GALNT13: variants seen among roughly 807,000 people sequenced by gnomAD.
GALNT13 encodes the protein polypeptide N-acetylgalactosaminyltransferase 13.
Under a neutral mutation model 64.2 loss-of-function variants are expected in GALNT13, and 28 were observed. That is an observed-to-expected ratio of 0.44 (90% CI 0.32 to 0.60). The LOEUF is 0.60. GALNT13 is among the 20% of genes least tolerant of loss of function. The pLI, the probability that GALNT13 is intolerant of heterozygous loss-of-function variation, is 0.05. For missense variants in GALNT13, 577 were observed against 669.8 expected, an observed-to-expected ratio of 0.86 and a Z score of 1.53; for synonymous variants, 214 against 224.6, an observed-to-expected ratio of 0.95 and a Z score of 0.42.
intron 3 of GALNT13, among the ~76,000 whole-genome samples, chr2:153,952,811 T>A (rs74559254): frequency 1.3e-5 from 2 of 152,084 alleles, no homozygotes; most frequent in African/African-American, 4.8e-5. Flanking sequence ...CTTCAATCTG[T>A]GGTTGAAGTT....
At chr2:153,869,319 T>C (rs1248684966), upstream of GALNT13, among the ~76,000 whole-genome samples, 1 of 152,154 alleles carries the variant, frequency 6.6e-6, no homozygotes, top group African/African-American at 2.4e-5. Flanking sequence ...AGTAATGCTC[T>C]TTATATTAAT....
At chr2:153,704,506 C>A in the GALNT13 span, among the ~76,000 whole-genome samples, 2 of 152,082 alleles carry the variant, frequency 1.3e-5, no homozygotes, top group Non-Finnish European at 2.9e-5. Flanking sequence ...TCTCTCAATG[C>A]ACAAATGCAC....
the GALNT13 span, among the ~76,000 whole-genome samples, chr2:153,662,461 T>A: frequency 2.0e-5 from 3 of 152,220 alleles, no homozygotes; most frequent in African/African-American, 7.2e-5. Context: ...GATGGCAGAT[T>A]CATTTCTGTA....
At chr2:153,744,034 A>C in the GALNT13 span, among the ~76,000 whole-genome samples, 1 of 152,088 alleles carries the variant, frequency 6.6e-6, no homozygotes, top group African/African-American at 2.4e-5. Flanking sequence ...AGAGTACTCC[A>C]ATCCATTATG....
the GALNT13 span, among the ~76,000 whole-genome samples, chr2:153,222,022 C>T: frequency 4.6e-5 from 7 of 152,034 alleles, no homozygotes; most frequent in African/African-American, 1.7e-4. Context: ...GATGGGGAGG[C>T]GTGTTTCAGC....
the GALNT13 span, among the ~76,000 whole-genome samples, chr2:153,261,857 C>A: frequency 6.6e-6 from 1 of 152,076 alleles, no homozygotes; most frequent in Non-Finnish European, 1.5e-5. Context: ...AGGTTCACAG[C>A]AACTATTGCC....
At chr2:153,317,154 C>A in the GALNT13 span, among the ~76,000 whole-genome samples, 1 of 152,126 alleles carries the variant, frequency 6.6e-6, no homozygotes, top group Non-Finnish European at 1.5e-5. Context: ...AGCAAGTAGA[C>A]AAATACCTTA....
At chr2:153,609,741 GT>G in the GALNT13 span, among the ~76,000 whole-genome samples, 1 of 152,106 alleles carries the variant, frequency 6.6e-6, no homozygotes, top group Admixed American at 6.6e-5. Context: ...AAATAAAATT[GT>G]TTTAACTCTT....
the GALNT13 span, among the ~76,000 whole-genome samples, chr2:153,492,954 C>T: frequency 1.5e-4 from 22 of 151,424 alleles, no homozygotes; most frequent in Non-Finnish European, 2.2e-4. Context: ...ATGGGTCAAA[C>T]GGAAAAAAAG....
chr2:153,671,249 T>C, the GALNT13 span, among the ~76,000 whole-genome samples: 1 of 152,090 alleles, frequency 6.6e-6, no homozygotes, highest in Non-Finnish European at 1.5e-5. Flanking sequence ...CACATGATCG[T>C]TAGCTTCACC....
chr2:154,436,577 C>T (rs1416410821), intron 11 of GALNT13: 1 of 152,128 alleles, frequency 6.6e-6, no homozygotes, highest in Non-Finnish European at 1.5e-5. Flanking sequence ...AGAAATTTCT[C>T]TAGAAATTTT....
chr2:153,954,429 A>G (rs1392601681), intron 3 of GALNT13, among the ~76,000 whole-genome samples: 1 of 151,982 alleles, frequency 6.6e-6, no homozygotes, highest in Non-Finnish European at 1.5e-5. Context: ...CAGTTTCCCA[A>G]AATTAATAGG....
the GALNT13 span, among the ~76,000 whole-genome samples, chr2:153,539,540 T>C: frequency 3.6e-3 from 544 of 152,064 alleles, 6 homozygotes; most frequent in African/African-American, 0.013. Flanking sequence ...AACGTTTAAG[T>C]CTTTAATCCA....
At chr2:153,430,394 T>C in the GALNT13 span, among the ~76,000 whole-genome samples, 1 of 152,140 alleles carries the variant, frequency 6.6e-6, no homozygotes, top group Non-Finnish European at 1.5e-5. Context: ...ACATTTAATT[T>C]TGTAACAAGT....
At chr2:153,154,261 G>A in the GALNT13 span, among the ~76,000 whole-genome samples, 2 of 152,072 alleles carry the variant, frequency 1.3e-5, no homozygotes, top group East Asian at 3.9e-4. Flanking sequence ...GATATCTGAT[G>A]GTTTTATAAA....
chr2:153,967,278 G>C (rs1443877664), intron 3 of GALNT13, among the ~76,000 whole-genome samples: 2 of 152,136 alleles, frequency 1.3e-5, no homozygotes, highest in Non-Finnish European at 2.9e-5. Context: ...TAATGTCCTT[G>C]ATGCTTGTAG....
the GALNT13 span, among the ~76,000 whole-genome samples, chr2:153,140,496 C>T: frequency 6.6e-6 from 1 of 152,010 alleles, no homozygotes; most frequent in East Asian, 1.9e-4. Context: ...TAACTAAAGT[C>T]CAGGATTCAA....
At chr2:153,615,014 C>A in the GALNT13 span, among the ~76,000 whole-genome samples, 3 of 152,010 alleles carry the variant, frequency 2.0e-5, no homozygotes, top group African/African-American at 7.2e-5. Context: ...TCACCACCTC[C>A]GCAACACCTT....
the GALNT13 span, among the ~76,000 whole-genome samples, chr2:153,302,673 T>C: frequency 1.1e-4 from 16 of 152,286 alleles, no homozygotes; most frequent in Middle Eastern, 3.4e-3. Flanking sequence ...CTTCTAGTAG[T>C]TTTACAACTT....
Sources: gnomAD v4.1 joint callset for allele counts (sites outside exome capture counted in the v4.1 genomes callset) on GRCh38, gnomAD v4.1.1 for gene constraint, MANE v1.5 for transcripts, NCBI Gene and HGNC (gene_info 2026-07-23, HGNC 2026-07-21) for gene names.